Variants in AGMO observed in about 807,000 individuals in gnomAD.
The protein encoded by AGMO is alkylglycerol monooxygenase.
AGMO carries 75 observed loss-of-function variants against 60.2 expected under a neutral mutation model. That is an observed-to-expected ratio of 1.25 (90% CI 1.03 to 1.51). The LOEUF is 1.51. Among genes scored for constraint, AGMO ranks in the 40% most tolerant of loss-of-function variants. The pLI is 0.00. For synonymous variants in AGMO, 261 were observed against 177.1 expected (o/e 1.47, Z -3.76); for missense variants, 763 against 525.5 (o/e 1.45, Z -4.42).
At chr7:15,152,604 T>C in the AGMO span, among the ~76,000 whole-genome samples, 6 of 152,176 alleles carry the variant, frequency 3.9e-5, no homozygotes, top group Admixed American at 3.9e-4. Context: ...GTTTGACTTT[T>C]CATTCCCGAG....
At chr7:15,145,275 A>G in the AGMO span, among the ~76,000 whole-genome samples, 2 of 152,204 alleles carry the variant, frequency 1.3e-5, no homozygotes, top group East Asian at 1.9e-4. Context: ...TTGAAAAGGT[A>G]CTTGCTTCCT....
the AGMO span, among the ~76,000 whole-genome samples, chr7:15,150,094 C>G: frequency 1.3e-5 from 2 of 151,972 alleles, no homozygotes; most frequent in African/African-American, 4.8e-5. Flanking sequence ...ATTTGGCCCT[C>G]AGCTTGGACA....
chr7:15,557,891 G>GT (rs1204312075), intron 2 of AGMO, among the ~76,000 whole-genome samples: 1 of 151,970 alleles, frequency 6.6e-6, no homozygotes, highest in African/African-American at 2.4e-5. Context: ...GGGCACCAGA[G>GT]TTAACAGTTT....
rs76934118 is a variant in AGMO, at chr7:15,558,427, A to T, written c.257+1714T>A. Among the ~76,000 whole-genome samples the T allele has an allele frequency of 9.3e-4, 141 of 152,196 alleles. 1 individual carries two copies. The East Asian group carries it at 0.025, about 27-fold the overall frequency. On this transcript the variant is annotated intron_variant, in intron 2 of 12. Transcript: ENST00000342526. ...AACCTATACACTTAACTTTCTGAGA[A>T]TGAGCTAAATTAACCAACTGGGTAT...
intron 1 of AGMO, 23 bp from the exon 2 acceptor site, chr7:15,560,294 G>C (rs1188497668): frequency 6.2e-7 from 1 of 1,609,480 alleles, no homozygotes. Flanking sequence ...TTGCAGAAAA[G>C]AGATGCTATT....
At chr7:15,171,676 C>G in the AGMO span, among the ~76,000 whole-genome samples, 1 of 152,146 alleles carries the variant, frequency 6.6e-6, no homozygotes, top group Non-Finnish European at 1.5e-5. Flanking sequence ...TAATTTGTAT[C>G]ATTAAATTGG....
chr7:15,191,914 A>G, the AGMO span, among the ~76,000 whole-genome samples: 2 of 151,680 alleles, frequency 1.3e-5, no homozygotes, highest in Non-Finnish European at 2.9e-5. Flanking sequence ...TGGTAGAGTG[A>G]TTGTCTAAAT....
intron 12 of AGMO, among the ~76,000 whole-genome samples, chr7:15,268,172 G>GA (rs1479462370): frequency 1.3e-5 from 2 of 151,856 alleles, no homozygotes; most frequent in African/African-American, 2.4e-5. Context: ...AATATGTAAT[G>GA]AAAAAACAAA....
intron 2 of AGMO, among the ~76,000 whole-genome samples, chr7:15,555,553 GTTA>G (rs1785110315): frequency 6.6e-6 from 1 of 151,726 alleles, no homozygotes; most frequent in African/African-American, 2.4e-5. Flanking sequence ...CGTACTACTA[GTTA>G]TTATTGTTAA....
chr7:15,137,063 T>C, the AGMO span, among the ~76,000 whole-genome samples: 2 of 152,196 alleles, frequency 1.3e-5, no homozygotes, highest in Non-Finnish European at 1.5e-5. Context: ...GAATGATTTA[T>C]TTGTTTACAT....
chr7:15,523,156 C>T (rs148940900), intron 3 of AGMO, among the ~76,000 whole-genome samples: 5,193 of 152,212 alleles, frequency 0.034, 294 homozygotes, highest in African/African-American at 0.12. Context: ...CCATCTCACA[C>T]CAGTTAGAAT....
chr7:15,455,964 C>G (rs1008187543), intron 3 of AGMO, among the ~76,000 whole-genome samples: 1 of 152,030 alleles, frequency 6.6e-6, no homozygotes, highest in Non-Finnish European at 1.5e-5. Context: ...CAGAAATTTT[C>G]TTAATGCATT....
At chr7:15,306,117 A>C (rs1780605014) in intron 12 of AGMO, 1 of 153,628 alleles carries the variant, frequency 6.5e-6, no homozygotes. Context: ...TTCAATATCT[A>C]CTTTAATTAA....
intron 3 of AGMO, among the ~76,000 whole-genome samples, chr7:15,443,966 T>C (rs1562510359): frequency 6.6e-6 from 1 of 152,140 alleles, no homozygotes; most frequent in Non-Finnish European, 1.5e-5. Context: ...TCTTTAGCCC[T>C]CCTCAGCCAA....
intron 8 of AGMO, among the ~76,000 whole-genome samples, chr7:15,388,435 T>C (rs1408126526): frequency 6.6e-6 from 1 of 152,116 alleles, no homozygotes; most frequent in Non-Finnish European, 1.5e-5. Flanking sequence ...ATAATAATAA[T>C]ACAGAAAACC....
intron 6 of AGMO, among the ~76,000 whole-genome samples, chr7:15,392,805 AAC>A (rs778501976): frequency 0.029 from 1,825 of 62,556 alleles, 17 homozygotes; most frequent in Middle Eastern, 0.071. Flanking sequence ...TCTCAAAACA[AAC>A]AAACAAACAA....
At chr7:15,355,022 T>C (rs1381994808) in intron 12 of AGMO, among the ~76,000 whole-genome samples, 3 of 152,038 alleles carry the variant, frequency 2.0e-5, no homozygotes, top group Non-Finnish European at 2.9e-5. Context: ...ATTTGGCCTA[T>C]TGAAGAGAAG....
chr7:15,129,114 A>G, the AGMO span, among the ~76,000 whole-genome samples: 1 of 151,972 alleles, frequency 6.6e-6, no homozygotes, highest in African/African-American at 2.4e-5. Context: ...CAGGTAAGAG[A>G]GGGGGAAAGG....
intron 12 of AGMO, among the ~76,000 whole-genome samples, chr7:15,324,136 T>G (rs116016920): frequency 0.013 from 2,013 of 152,284 alleles, 31 homozygotes; most frequent in African/African-American, 0.046. Flanking sequence ...CAATCATCAG[T>G]ATTACTCCAG....
Sources: gnomAD v4.1 joint callset for allele counts (sites outside exome capture counted in the v4.1 genomes callset) on GRCh38, gnomAD v4.1.1 for gene constraint, MANE v1.5 for transcripts, NCBI Gene and HGNC (gene_info 2026-07-23, HGNC 2026-07-21) for gene names.